The following DKK2 variants were observed in gnomAD, a reference collection of about 807,000 sequenced individuals.
DKK2 encodes the protein dickkopf Wnt signaling pathway inhibitor 2.
Under a neutral mutation model 28.1 loss-of-function variants are expected in DKK2, and 11 were observed. That is an observed-to-expected ratio of 0.39 (90% CI 0.25 to 0.65). The LOEUF is 0.65. DKK2 is among the 30% of genes least tolerant of loss of function. The pLI is 0.47. For synonymous variants in DKK2, 135 were observed against 126.5 expected (o/e 1.07, Z -0.45); for missense variants, 326 against 335.5 (o/e 0.97, Z 0.22).
At chr4:106,941,891 A>C (rs1358040579) in intron 1 of DKK2, among the ~76,000 whole-genome samples, 1 of 152,162 alleles carries the variant, frequency 6.6e-6, no homozygotes, top group African/African-American at 2.4e-5. Context: ...GTTATTTATT[A>C]AAATACTTTT....
intron 1 of DKK2, among the ~76,000 whole-genome samples, chr4:106,946,992 A>G (rs76641828): frequency 0.025 from 3,868 of 152,206 alleles, 62 homozygotes; most frequent in Non-Finnish European, 0.037. Context: ...AGATGTTTAA[A>G]ACATCCTCAC....
intron 1 of DKK2, among the ~76,000 whole-genome samples, chr4:107,025,274 G>A (rs115970426): frequency 0.011 from 1,743 of 152,224 alleles, 43 homozygotes; most frequent in African/African-American, 0.04. Context: ...GGGAAGGGCC[G>A]TAGTCTAATG....
intron 1 of DKK2, among the ~76,000 whole-genome samples, chr4:106,940,232 G>T (rs1724672653): frequency 6.6e-6 from 1 of 152,096 alleles, no homozygotes; most frequent in Admixed American, 6.5e-5. Context: ...CTAATATCCA[G>T]AATCTACAAT....
At chr4:106,952,079 T>C (rs1281535694) in intron 1 of DKK2, among the ~76,000 whole-genome samples, 1 of 152,152 alleles carries the variant, frequency 6.6e-6, no homozygotes, top group Admixed American at 6.6e-5. Flanking sequence ...ATTTTTACTC[T>C]GCATTTTGAC....
At chr4:106,999,665 A>AT (rs1194937781) in intron 1 of DKK2, among the ~76,000 whole-genome samples, 40 of 152,102 alleles carry the variant, frequency 2.6e-4, no homozygotes, top group African/African-American at 8.4e-4. Flanking sequence ...TTGTAAGTAA[A>AT]TTTTTTCAAA....
At chr4:107,029,319 T>C (rs1357060184) in intron 1 of DKK2, among the ~76,000 whole-genome samples, 3 of 152,204 alleles carry the variant, frequency 2.0e-5, no homozygotes, top group Admixed American at 6.5e-5. Context: ...GTTTGAACTT[T>C]AGCTTTCTCC....
intron 1 of DKK2, among the ~76,000 whole-genome samples, chr4:107,027,444 CA>C (rs571475984): frequency 7.2e-6 from 1 of 139,194 alleles, no homozygotes; most frequent in Non-Finnish European, 1.5e-5. Flanking sequence ...CCTAAATCGC[CA>C]AAAAATCTCA....
intron 1 of DKK2, among the ~76,000 whole-genome samples, chr4:106,952,005 C>G (rs933517552): frequency 6.6e-6 from 1 of 152,038 alleles, no homozygotes; most frequent in Admixed American, 6.6e-5. Flanking sequence ...ATTGACTAAA[C>G]AACAACAAAA....
chr4:107,011,495 C>G (rs929808795), intron 1 of DKK2, among the ~76,000 whole-genome samples: 2 of 151,628 alleles, frequency 1.3e-5, no homozygotes, highest in Non-Finnish European at 3.0e-5. Context: ...AAATTGCTAT[C>G]AGTCCAGCTT....
chr4:107,034,233 G>A (rs1723926307), intron 1 of DKK2, among the ~76,000 whole-genome samples: 2 of 152,116 alleles, frequency 1.3e-5, no homozygotes. Context: ...GGAGGACACC[G>A]AGAGCGCGCA....
intron 1 of DKK2, among the ~76,000 whole-genome samples, chr4:106,964,987 A>T (rs1560581625): frequency 1.3e-5 from 2 of 149,798 alleles, no homozygotes; most frequent in African/African-American, 4.9e-5. Context: ...ATAGATAGAT[A>T]GATAGATAGA....
At chr4:106,961,626 C>T (rs138699194) in intron 1 of DKK2, among the ~76,000 whole-genome samples, 37 of 150,380 alleles carry the variant, frequency 2.5e-4, no homozygotes, top group African/African-American at 7.8e-4. Context: ...AAGTCACAGA[C>T]TTTCTTCGTA....
intron 1 of DKK2, among the ~76,000 whole-genome samples, chr4:106,980,444 A>G (rs1198800620): frequency 1.3e-5 from 2 of 152,168 alleles, no homozygotes; most frequent in East Asian, 3.9e-4. Context: ...TAACTATTAT[A>G]TAATGTGTAT....
At position 107,032,982 on chromosome 4, in the gene DKK2, T is replaced by TA. The variant is rs539236044; in HGVS notation, c.222+2387dup. Among the ~76,000 whole-genome samples the TA allele has an allele frequency of 2.1e-4, 31 of 150,970 alleles. 1 individual carries two copies. The South Asian group carries it at 6.4e-3, about 31-fold the overall frequency. Reference sequence around the variant, plus strand: ...TGTTGGTGACCACATAACTATAGAATAAAAAAGATAAAGAGACTCATAAGT... The same window carrying TA: ...TGTTGGTGACCACATAACTATAGAATAAAAAAAGATAAAGAGACTCATAAGT... On this transcript the variant is annotated intron_variant, in intron 1 of 3. Coordinates refer to ENST00000285311, the MANE Select transcript of DKK2 (RefSeq NM_014421.3).
intron 1 of DKK2, among the ~76,000 whole-genome samples, chr4:106,969,992 T>C (rs1284168769): frequency 1.3e-5 from 2 of 152,116 alleles, no homozygotes; most frequent in African/African-American, 4.8e-5. Context: ...TAAAACTTTA[T>C]GAAAACTCAA....
At chr4:106,972,718 A>T (rs985106988) in intron 1 of DKK2, among the ~76,000 whole-genome samples, 4 of 152,014 alleles carry the variant, frequency 2.6e-5, no homozygotes, top group Non-Finnish European at 4.4e-5. Context: ...AAGCTATTAT[A>T]TTCTTGTCAT....
At chr4:106,925,655 AG>A (rs752121853) in intron 2 of DKK2, 143 bp downstream of exon 2, 24 of 1,052,938 alleles carry the variant, frequency 2.3e-5, no homozygotes, top group Non-Finnish European at 3.2e-5. Flanking sequence ...GAGGTAATCC[AG>A]GTAATCTTAC....
At chr4:107,024,679 TA>T (rs1224830565) in intron 1 of DKK2, among the ~76,000 whole-genome samples, 3 of 152,138 alleles carry the variant, frequency 2.0e-5, no homozygotes, top group African/African-American at 7.2e-5. Context: ...GGCAAATAAG[TA>T]GTGTTTTATG....
chr4:106,977,239 G>C (rs1722958899), intron 1 of DKK2, among the ~76,000 whole-genome samples: 1 of 152,124 alleles, frequency 6.6e-6, no homozygotes. Context: ...TTCTCGAGTA[G>C]TATCTTTGTG....
Sources: allele counts gnomAD v4.1 joint callset (sites outside exome capture counted in the v4.1 genomes callset), GRCh38; gene constraint gnomAD v4.1.1; transcripts MANE v1.5; gene names NCBI Gene and HGNC (gene_info 2026-07-23, HGNC 2026-07-21).